The following SEMA5B variants were observed in gnomAD, a reference collection of about 807,000 sequenced individuals.
SEMA5B encodes the protein semaphorin 5B.
In SEMA5B, 66 loss-of-function variants were observed where a neutral mutation model predicts 135.0. That is an observed-to-expected ratio of 0.49 (90% CI 0.40 to 0.60). The LOEUF is 0.60. SEMA5B is among the 20% of genes least tolerant of loss of function. The pLI is 0.00. For missense variants in SEMA5B, 1,501 were observed against 1,566.3 expected (o/e 0.96, Z 0.70); for synonymous variants, 690 against 639.5 (o/e 1.08, Z -1.19).
At chr3:122,957,927 C>T (rs532987321) in intron 2 of SEMA5B, among the ~76,000 whole-genome samples, 1 of 152,380 alleles carries the variant, frequency 6.6e-6, no homozygotes, top group East Asian at 1.9e-4. Context: ...ATTTGGTTTT[C>T]TGAGTTGGCT....
At chr3:123,017,933 A>AT (rs1240354117) in intron 1 of SEMA5B, among the ~76,000 whole-genome samples, 96 of 150,270 alleles carry the variant, frequency 6.4e-4, no homozygotes, top group Non-Finnish European at 1.1e-3. Context: ...AAAAAAAAAA[A>AT]GGATTTTTTG....
chr3:122,913,132 T>TCCCGCC (rs1937844145), intron 17 of SEMA5B, 67 bp downstream of exon 17: 1 of 1,422,440 alleles, frequency 7.0e-7, no homozygotes, highest in African/African-American at 1.5e-5. Context: ...TCCCCGGGGC[T>TCCCGCC]CCCGCCCCCG....
rs997959181 is a variant in SEMA5B, at chr3:122,909,872, G to A, written c.*271C>T. 3 of 397,506 alleles carry A rather than the reference G, an allele frequency of 7.5e-6. No individual in the cohort carries two copies. The highest frequency in any genetic ancestry group is 4.1e-5 in the Admixed American group (1 of 24,416). The allele number at this position is 397,506 out of a possible 1,614,324, so 24.6% of individuals were successfully genotyped here. ...GTAGGTCCACAGCCCAGGCATGGCA[G>A]CATAGTGTCAGCGTGACAGTGGGTT... On this transcript the variant is annotated 3_prime_UTR_variant, in exon 23 of 23. Transcript: ENST00000357599.
chr3:122,930,401 C>T (rs9835012), intron 5 of SEMA5B, among the ~76,000 whole-genome samples: 33,231 of 152,240 alleles, frequency 0.22, 3,774 homozygotes, highest in Middle Eastern at 0.33. Flanking sequence ...CGGTGTTCAT[C>T]TGGACAGAAA....
intron 1 of SEMA5B, among the ~76,000 whole-genome samples, chr3:122,967,935 C>T (rs144817745): frequency 6.6e-6 from 1 of 152,336 alleles, no homozygotes; most frequent in East Asian, 1.9e-4. Flanking sequence ...ACTCACTCTG[C>T]GTGCACAAGA....
At chr3:122,911,680 C>T in intron 20 of SEMA5B, 145 bp from the exon 21 acceptor site, 1 of 995,366 alleles carries the variant, frequency 1.0e-6, no homozygotes, top group South Asian at 1.7e-5. Context: ...TCCCCTCCCT[C>T]TCTCCTCAGA....
chr3:122,927,459 T>C (rs774045564), intron 8 of SEMA5B, among the ~76,000 whole-genome samples: 31 of 152,194 alleles, frequency 2.0e-4, no homozygotes, highest in Non-Finnish European at 4.0e-4. Flanking sequence ...TCCCAAAGTG[T>C]TGGGATTACA....
chr3:122,912,889 C>G lies in SEMA5B; in HGVS notation c.2679G>C (p.Val893=). 6.2e-7 allele frequency: 1 copy of G among 1,608,566 alleles called. No homozygotes were observed. Among genetic ancestry groups the G allele is most frequent in the Non-Finnish European group, 8.5e-7 (1 of 1,177,326 alleles). Reference sequence around the variant, plus strand: ...AGTCCTGGTACTCGGCAGCATCGCCCACGCAGGGCAGGCCCCCGTTGCGGG... The same window carrying G: ...AGTCCTGGTACTCGGCAGCATCGCCGACGCAGGGCAGGCCCCCGTTGCGGG... The part of the protein sequence containing the change: ...PEPRNGGLPC[V]GDAAEYQDCN... The change falls in exon 18 of 23, where the codon GTG becomes GTC. Residue 893 remains valine (V), a synonymous_variant. Coordinates refer to ENST00000357599, the MANE Select transcript of SEMA5B (RefSeq NM_001031702.4).
At chr3:122,972,249 G>A (rs1941151522) in intron 1 of SEMA5B, among the ~76,000 whole-genome samples, 1 of 152,238 alleles carries the variant, frequency 6.6e-6, no homozygotes, top group Non-Finnish European at 1.5e-5. Flanking sequence ...TTCCAGGAAA[G>A]TAGCAGAAAC....
intron 2 of SEMA5B, chr3:122,958,174 G>A (rs1576366570): frequency 1.3e-5 from 2 of 152,316 alleles, no homozygotes; most frequent in Non-Finnish European, 2.9e-5. Flanking sequence ...AGGGGCCAGG[G>A]TGGGTGGGAA....
rs368914333 is a variant in SEMA5B at position 122,915,673 on chromosome 3, G to A, written c.1807-52C>T. 3.7e-6 allele frequency: 6 copies of A among 1,600,308 alleles called. No homozygotes were observed. The African/African-American group carries it at 6.7e-5, about 18-fold the overall frequency. ...CCCTATTACCCAAGCCAAGGGCAGG[G>A]AAGTCATAAGATCTCAGGGGATTGG... On this transcript the variant is annotated intron_variant, in intron 13 of 22. Coordinates refer to ENST00000357599, the MANE Select transcript of SEMA5B (RefSeq NM_001031702.4).
In SEMA5B at chr3:122,910,135, C is replaced by T. The variant is rs573973481; in HGVS notation, c.*8G>A. ...AGGCAAGAAGCCCAAGTCCCCAGGACGGCGGTATCAGCTGTTGGGGAAGCA... is the reference window on the plus strand; with the variant it reads ...AGGCAAGAAGCCCAAGTCCCCAGGATGGCGGTATCAGCTGTTGGGGAAGCA... On this transcript the variant is annotated 3_prime_UTR_variant, in exon 23 of 23. Coordinates refer to ENST00000357599, the MANE Select transcript of SEMA5B (RefSeq NM_001031702.4). The T allele has an allele frequency of 3.1e-5, 50 of 1,613,066 alleles. 1 individual carries two copies. The Admixed American group carries it at 3.2e-4, about 10-fold the overall frequency.
At position 122,926,449 on chromosome 3, in the gene SEMA5B, T is replaced by C; in HGVS notation, c.1079A>G (p.Gln360Arg). The C allele has an allele frequency of 1.2e-6, 2 of 1,614,210 alleles. No individual in the cohort carries two copies. The highest frequency in any genetic ancestry group is 1.7e-6 in the Non-Finnish European group (2 of 1,180,034). ...CTGCTCCGGCAAGTGGAAGGCACTC[T>C]GCAGCTCGTTATAGTAGAAGGGGAC... ...GEVPFYYNEL[Q>R]SAFHLPEQDL... The change falls in exon 9 of 23, where the codon CAG becomes CGG. Residue 360 changes from glutamine to arginine, a missense_variant. Gln to Arg is a conservative substitution (Grantham distance 43). Coordinates refer to ENST00000357599, the MANE Select transcript of SEMA5B (RefSeq NM_001031702.4).
chr3:123,022,993 T>C (rs753522170), intron 1 of SEMA5B, among the ~76,000 whole-genome samples: 3 of 152,244 alleles, frequency 2.0e-5, no homozygotes, highest in African/African-American at 4.8e-5. Flanking sequence ...ACGAAGATCC[T>C]GTTCCAGATT....
intron 1 of SEMA5B, among the ~76,000 whole-genome samples, chr3:123,001,302 C>G (rs73195642): frequency 0.054 from 8,241 of 152,090 alleles, 322 homozygotes; most frequent in Non-Finnish European, 0.085. Flanking sequence ...TCTGTGGAGG[C>G]CTGAGGAGCA....
At chr3:122,976,631 C>T (rs920120562) in intron 1 of SEMA5B, among the ~76,000 whole-genome samples, 1 of 152,228 alleles carries the variant, frequency 6.6e-6, no homozygotes, top group Non-Finnish European at 1.5e-5. Context: ...CTGTCACCAA[C>T]ATTCTGCTGT....
rs2107598665 is a variant in SEMA5B, at chr3:122,909,713, G to A, written c.*430C>T. 6.3e-6 allele frequency: 1 copy of A among 158,674 alleles called. No homozygotes were observed. The highest frequency in any genetic ancestry group is 2.0e-4 in the South Asian group (1 of 5,104). The allele number at this position is 158,674 out of a possible 1,614,324, so 9.8% of individuals were successfully genotyped here. On this transcript the variant is annotated 3_prime_UTR_variant, in exon 23 of 23. Transcript: ENST00000357599. ...GATTACTTTCAGAGATAATCAGGAT[G>A]TAGCAAAGGCCTTTTTTGGGGCCAG...
chr3:122,915,917 A>G, intron 12 of SEMA5B, 27 bp from the exon 13 acceptor site: 1 of 1,587,794 alleles, frequency 6.3e-7, no homozygotes, highest in Non-Finnish European at 8.6e-7. Context: ...CTGAGATTCA[A>G]GCCCACTGGC....
At chr3:123,028,419 G>C (rs897624808), upstream of SEMA5B, 2 of 152,318 alleles carry the variant, frequency 1.3e-5, no homozygotes, top group Admixed American at 1.3e-4. Flanking sequence ...AGTTTCCTCA[G>C]CTGTAAACTG....
Sources: gnomAD v4.1 joint callset for allele counts (sites outside exome capture counted in the v4.1 genomes callset) on GRCh38, gnomAD v4.1.1 for gene constraint, MANE v1.5 for transcripts, NCBI Gene and HGNC (gene_info 2026-07-23, HGNC 2026-07-21) for gene names.